Variants in CR1 observed in about 807,000 individuals in gnomAD.
The protein encoded by CR1 is complement C3b/C4b receptor 1 (Knops blood group).
CR1 carries 116 observed loss-of-function variants against 187.3 expected under a neutral mutation model. That is an observed-to-expected ratio of 0.62 (90% CI 0.53 to 0.72). The LOEUF is 0.72. CR1 is among the 30% of genes least tolerant of loss of function. CR1 has a pLI of 0.00. For synonymous variants in CR1, 576 were observed against 747.1 expected (o/e 0.77, Z 3.73); for missense variants, 1,731 against 2,110.7 (o/e 0.82, Z 3.52).
chr1:207,498,121 A>T (rs2102327703), intron 1 of CR1, among the ~76,000 whole-genome samples: 1 of 152,360 alleles, frequency 6.6e-6, no homozygotes, highest in East Asian at 1.9e-4. Flanking sequence ...CCACATGTAT[A>T]AAATGAGCAC....
intron 35 of CR1, among the ~76,000 whole-genome samples, chr1:207,605,142 C>A (rs574716557): frequency 6.6e-6 from 1 of 151,810 alleles, no homozygotes; most frequent in South Asian, 2.1e-4. Flanking sequence ...TACCTGTAGT[C>A]CCAGCTACTC....
intron 4 of CR1, among the ~76,000 whole-genome samples, chr1:207,523,328 T>G (rs1280034081): frequency 6.6e-6 from 1 of 152,202 alleles, no homozygotes; most frequent in Non-Finnish European, 1.5e-5. Context: ...GAAAACTGTA[T>G]AAATACTATA....
intron 27 of CR1, 76 bp from the exon 28 acceptor site, chr1:207,575,519 G>C: frequency 1.9e-6 from 3 of 1,586,976 alleles, no homozygotes; most frequent in Non-Finnish European, 2.6e-6. Flanking sequence ...AATCCTTCTG[G>C]TTTGCCACAT....
In CR1 at chr1:207,616,769, C is replaced by A; in HGVS notation, c.6856C>A (p.Pro2286Thr). The change falls in exon 41 of 47, where the codon CCT (proline) becomes ACT (threonine). Residue 2286 changes from proline (P) to threonine (T), a missense_variant. This residue lies in a region of CR1 where 1,312 missense variants were observed against 1,379.6 expected (regional missense o/e 0.95). Coordinates refer to ENST00000367049, the MANE Select transcript of CR1 (RefSeq NM_000651.6). Reference protein sequence around the residue: ...DPQGNGVWSSPAPRCELSVPA... With the variant: ...DPQGNGVWSSTAPRCELSVPA... ...TCAAGGGAATGGGGTTTGGAGCAGC[C>A]CTGCCCCTCGCTGTGAACTTTCTGT... 6.2e-7 allele frequency: 1 copy of A among 1,613,962 alleles called. No homozygotes were observed.
intron 29 of CR1, 30 bp from the exon 30 acceptor site, chr1:207,580,210 A>T: frequency 6.2e-7 from 1 of 1,609,774 alleles, no homozygotes; most frequent in South Asian, 1.1e-5. Flanking sequence ...CCCATAACTA[A>T]CAAGTACTCT....
chr1:207,513,266 T>C (rs921579227), intron 4 of CR1, among the ~76,000 whole-genome samples: 2 of 152,170 alleles, frequency 1.3e-5, no homozygotes, highest in South Asian at 4.1e-4. Flanking sequence ...AGAACCCCCA[T>C]TGTCTCTGGC....
At chr1:207,605,450 C>T (rs965774117) in intron 35 of CR1, among the ~76,000 whole-genome samples, 2 of 151,998 alleles carry the variant, frequency 1.3e-5, no homozygotes, top group African/African-American at 4.8e-5. Flanking sequence ...CAAAACACCA[C>T]ATTTTACCCT....
rs1343553671 is a variant in CR1 at position 207,517,852 on chromosome 1, T to G, written c.488-5759T>G. ...TCTGTAGTGATACCCTTACACTCAT[T>G]AATTTCTGATATTGGTAATTTCTTT... On this transcript the variant is annotated intron_variant, in intron 4 of 46. Transcript: ENST00000367049. Among the ~76,000 whole-genome samples, 4 of 152,200 alleles carry G rather than the reference T, an allele frequency of 2.6e-5. No individual in the cohort carries two copies. In the East Asian group the frequency reaches 5.8e-4, roughly 22 times the overall value.
chr1:207,603,080 G>A (rs1661650513), intron 35 of CR1, among the ~76,000 whole-genome samples: 1 of 152,084 alleles, frequency 6.6e-6, no homozygotes, highest in Non-Finnish European at 1.5e-5. Flanking sequence ...CAAATTTAAT[G>A]TAATCAGTTT....
rs751436405 is a variant in CR1, at chr1:207,618,244, A to G, written c.7063A>G (p.Lys2355Glu). 6.2e-7 allele frequency: 1 copy of G among 1,613,188 alleles called. No homozygotes were observed. The change falls in exon 42 of 47, where the codon AAA becomes GAA. Residue 2355 changes from lysine (K) to glutamate (E), a missense_variant. Coordinates refer to ENST00000367049, the MANE Select transcript of CR1 (RefSeq NM_000651.6). ...CTGGAGCCAATTGGATCATTATTGC[A>G]AAGGTGACTTATTTCTTGGTATTCC... The part of the protein sequence containing the change: ...GIWSQLDHYC[K>E]EVNCSFPLFM...
In CR1 at chr1:207,609,606, C is replaced by G; in HGVS notation, c.6213C>G (p.Pro2071=). 1 of 1,612,518 alleles carries G rather than the reference C, an allele frequency of 6.2e-7. No individual in the cohort carries two copies. Among genetic ancestry groups the G allele is most frequent in the Non-Finnish European group, 8.5e-7 (1 of 1,179,276 alleles). ...AGATCATCAGATTTAGATGTCAGCC[C>G]GGGTTTGTCATGGTAGGGTCCCACA... is the stretch of plus-strand genomic sequence containing the variant. ...LTEIIRFRCQ[P]GFVMVGSHTV... is the part of the protein sequence containing the mutation. Residue 2071 remains proline, a synonymous_variant, in exon 37 of 47, where the codon CCC becomes CCG. Transcript: ENST00000367049.
At chr1:207,523,326 T>C (rs145359617) in intron 4 of CR1, among the ~76,000 whole-genome samples, 1 of 152,324 alleles carries the variant, frequency 6.6e-6, no homozygotes, top group Non-Finnish European at 1.5e-5. Context: ...GAGAAAACTG[T>C]ATAAATACTA....
In CR1 at chr1:207,523,999, C is replaced by A. The variant is rs1660084464; in HGVS notation, c.876C>A (p.Ser292Arg). 1.2e-6 allele frequency: 2 copies of A among 1,611,786 alleles called. No individual in the cohort carries two copies. Among genetic ancestry groups the A allele is most frequent in the African/African-American group, 2.7e-5 (2 of 74,888 alleles). The change falls in exon 5 of 47, where the codon AGC becomes AGA. Residue 292 changes from serine (S) to arginine (R), a missense_variant. By Grantham distance (110) the Ser-to-Arg change is moderately radical (BLOSUM62 -1). Transcript: ENST00000367049. ...ALNKWEPELP[S>R]CSRVCQPPPD... The stretch of plus-strand genomic sequence containing the variant: ...ACAAATGGGAGCCGGAGCTACCAAG[C>A]TGCTCCAGGGGTGAGTCTGACTGAG...
intron 24 of CR1, among the ~76,000 whole-genome samples, chr1:207,567,362 T>A (rs957918504): frequency 1.3e-5 from 2 of 149,172 alleles, no homozygotes; most frequent in South Asian, 2.1e-4. Context: ...CAATAAGTAA[T>A]CAGTGAAAGG....
chr1:207,616,903 T>G lies in CR1; in HGVS notation c.6889+101T>G, dbSNP rs556407077. 10 of 1,488,738 alleles carry G rather than the reference T, an allele frequency of 6.7e-6. No individual in the cohort carries two copies. In the South Asian group the frequency reaches 1.2e-4, roughly 18 times the overall value. The allele number at this position is 1,488,738 out of a possible 1,614,324, so 92.2% of individuals were successfully genotyped here. On this transcript the variant is annotated intron_variant, in intron 41 of 46. Coordinates refer to ENST00000367049, the MANE Select transcript of CR1 (RefSeq NM_000651.6). ...GTCATTTTTGCTTGTGAAAATGGCTTTGCTGTAACTGTCAGAGACAGAACT... is the reference window on the plus strand; with the variant it reads ...GTCATTTTTGCTTGTGAAAATGGCTGTGCTGTAACTGTCAGAGACAGAACT...
chr1:207,616,923 A>C (rs1662117160), intron 41 of CR1, 121 bp downstream of exon 41: 1 of 1,372,008 alleles, frequency 7.3e-7, no homozygotes, highest in African/African-American at 1.5e-5. Flanking sequence ...TGTCAGAGAC[A>C]GAACTACCTC....
chr1:207,578,931 C>G (rs1367965345), intron 29 of CR1, among the ~76,000 whole-genome samples: 1 of 152,186 alleles, frequency 6.6e-6, no homozygotes, highest in Admixed American at 6.5e-5. Context: ...TACAGTGATA[C>G]AATCATGGCT....
At chr1:207,505,623 G>A (rs1292839205) in intron 1 of CR1, among the ~76,000 whole-genome samples, 7 of 152,012 alleles carry the variant, frequency 4.6e-5, no homozygotes, top group African/African-American at 1.2e-4. Context: ...ATGACCTGAG[G>A]TCAGGAGTCG....
chr1:207,506,785 TC>T lies in CR1; in HGVS notation c.376del (p.Gln126LysfsTer66). 2 of 1,613,576 alleles carry T rather than the reference TC, an allele frequency of 1.2e-6. No individual in the cohort carries two copies. Among genetic ancestry groups the T allele is most frequent in the East Asian group, 4.5e-5 (2 of 44,880 alleles). On this transcript the variant is annotated frameshift_variant, in exon 3 of 47. Coordinates refer to ENST00000367049, the MANE Select transcript of CR1 (RefSeq NM_000651.6). LOFTEE classifies it high-confidence loss of function. ...TGTGATCAAAGGCATCCAGTTCGGA[TC>T]CCAAATTAAATATTCTTGTACTAAA... ...VHVIKGIQFG[S>X]QIKYSCTKGY...
Sources: allele counts gnomAD v4.1 joint callset (sites outside exome capture counted in the v4.1 genomes callset), GRCh38; gene constraint gnomAD v4.1.1; regional missense constraint gnomAD v4.1.1; transcripts MANE v1.5; gene names NCBI Gene and HGNC (gene_info 2026-07-23, HGNC 2026-07-21).